Variants in CLSTN2 observed in about 807,000 individuals in gnomAD.
CLSTN2 encodes calsyntenin-2.
In CLSTN2, 48 loss-of-function variants were observed where a neutral mutation model predicts 101.2. That is an observed-to-expected ratio of 0.47 (90% confidence interval 0.38 to 0.60). The LOEUF (loss-of-function observed/expected upper bound fraction) is 0.60, where lower values mean the gene tolerates loss of function less well. CLSTN2 is among the 20% of genes least tolerant of loss of function. The pLI is 0.00. For synonymous variants in CLSTN2, 481 were observed against 463.6 expected (o/e 1.04, Z -0.48); for missense variants, 1,160 against 1,238.2 (o/e 0.94, Z 0.95).
intron 2 of CLSTN2, among the ~76,000 whole-genome samples, chr3:140,238,340 C>G (rs772275023): frequency 1.3e-5 from 2 of 152,120 alleles, no homozygotes; most frequent in Non-Finnish European, 2.9e-5. Flanking sequence ...ATGGTTCACT[C>G]TCTACACTGA....
Position 140,556,654 on chromosome 3 carries a change from A to C in CLSTN2, c.1816A>C (p.Lys606Gln). ...AGVRRLKVSS[K>Q]VQCFGEDVCI... ...TGTGCGGCGCCTCAAAGTATCCTCC[A>C]AAGTCCAGTGAGTGGACGCTGGTCA... The change falls in exon 11 of 17, where the codon AAA becomes CAA. Residue 606 changes from lysine to glutamine, a missense_variant. Coordinates refer to ENST00000458420, the MANE Select transcript of CLSTN2 (RefSeq NM_022131.3). 6.2e-7 allele frequency: 1 copy of C among 1,613,926 alleles called. No homozygotes were observed. The highest frequency in any genetic ancestry group is 8.5e-7 in the Non-Finnish European group (1 of 1,179,924).
At chr3:140,448,003 C>G (rs1000562477) in intron 5 of CLSTN2, among the ~76,000 whole-genome samples, 1 of 152,076 alleles carries the variant, frequency 6.6e-6, no homozygotes, top group Non-Finnish European at 1.5e-5. Context: ...CACATGTACA[C>G]CTAAACCTAA....
chr3:140,212,314 T>G (rs1369872731), intron 2 of CLSTN2, among the ~76,000 whole-genome samples: 6 of 152,250 alleles, frequency 3.9e-5, no homozygotes, highest in Admixed American at 3.9e-4. Flanking sequence ...TGGTGACTGA[T>G]GACAGAAAGG....
At chr3:140,402,541 T>C (rs2088254155) in intron 2 of CLSTN2, among the ~76,000 whole-genome samples, 1 of 152,226 alleles carries the variant, frequency 6.6e-6, no homozygotes, top group African/African-American at 2.4e-5. Flanking sequence ...ATCCCTTCTC[T>C]TCACTGTGTC....
At chr3:140,137,728 G>A (rs2009636342) in intron 1 of CLSTN2, among the ~76,000 whole-genome samples, 1 of 152,184 alleles carries the variant, frequency 6.6e-6, no homozygotes, top group Non-Finnish European at 1.5e-5. Flanking sequence ...CACTGTCTCA[G>A]CCTTTCCTCA....
intron 2 of CLSTN2, among the ~76,000 whole-genome samples, chr3:140,343,154 T>C (rs2087508313): frequency 1.3e-5 from 2 of 152,150 alleles, no homozygotes; most frequent in Admixed American, 1.3e-4. Flanking sequence ...GGGCCATGGC[T>C]CTTGGCTCTT....
chr3:140,129,038 T>C (rs909052904), intron 1 of CLSTN2, among the ~76,000 whole-genome samples: 53 of 152,066 alleles, frequency 3.5e-4, no homozygotes, highest in African/African-American at 1.3e-3. Context: ...GGGATGCAAA[T>C]CTTAGTAAAT....
chr3:140,196,871 G>T (rs9825100), intron 2 of CLSTN2, among the ~76,000 whole-genome samples: 31,197 of 152,102 alleles, frequency 0.21, 3,452 homozygotes, highest in Non-Finnish European at 0.24. Context: ...TCCTGCTCTT[G>T]CACCTAGGCC....
At chr3:140,542,068 G>A (rs1375825480) in intron 9 of CLSTN2, among the ~76,000 whole-genome samples, 1 of 152,134 alleles carries the variant, frequency 6.6e-6, no homozygotes, top group Non-Finnish European at 1.5e-5. Flanking sequence ...TCCACTTAAG[G>A]ATTAAGTAAA....
At chr3:140,520,818 C>T (rs1935008166) in intron 8 of CLSTN2, among the ~76,000 whole-genome samples, 1 of 152,180 alleles carries the variant, frequency 6.6e-6, no homozygotes. Flanking sequence ...GGTTCTGTCT[C>T]TTTACATAAT....
Position 140,566,650 on chromosome 3 carries a change from C to T in CLSTN2, c.*397C>T, listed in dbSNP as rs1012245627. 2.3e-5 allele frequency: 6 copies of T among 256,572 alleles called. No homozygotes were observed. The East Asian group carries it at 4.1e-4, about 17-fold the overall frequency. 15.9% of individuals were successfully genotyped at this position (256,572 alleles called of 1,614,324 possible). The stretch of plus-strand genomic sequence containing the variant: ...GTTCCAACTCACTGTGCGTCTCCTC[C>T]ACACAGACCAGTAGGTTCTCCTATG... On this transcript the variant is annotated 3_prime_UTR_variant, in exon 17 of 17. Coordinates refer to ENST00000458420, the MANE Select transcript of CLSTN2 (RefSeq NM_022131.3).
chr3:140,032,919 G>A (rs898510101), intron 1 of CLSTN2, among the ~76,000 whole-genome samples: 3 of 152,232 alleles, frequency 2.0e-5, no homozygotes, highest in Non-Finnish European at 4.4e-5. Context: ...TGCTATAGAT[G>A]TGGGAGAGGC....
At chr3:140,244,222 A>G (rs2086495405) in intron 2 of CLSTN2, among the ~76,000 whole-genome samples, 1 of 152,214 alleles carries the variant, frequency 6.6e-6, no homozygotes, top group South Asian at 2.1e-4. Context: ...GGACTACACC[A>G]CTTGACTGAT....
chr3:140,401,832 A>G (rs1251873614), intron 2 of CLSTN2, among the ~76,000 whole-genome samples: 1 of 152,186 alleles, frequency 6.6e-6, no homozygotes, highest in Non-Finnish European at 1.5e-5. Flanking sequence ...AAGAAATTAA[A>G]CTTGAGAATT....
At position 140,459,513 on chromosome 3, in the gene CLSTN2, C is replaced by G; in HGVS notation, c.974-8C>G. ...ACCTGTTATCCTTTCTTTCCTGACC[C>G]TCTGCAGGAGCCTCCTCTGGCATCA... On this transcript the variant is annotated splice_polypyrimidine_tract_variant and splice_region_variant and intron_variant, in intron 6 of 16. Transcript: ENST00000458420. The G allele has an allele frequency of 6.2e-7, 1 of 1,613,366 alleles. No homozygotes were observed. The highest frequency in any genetic ancestry group is 8.5e-7 in the Non-Finnish European group (1 of 1,179,398).
intron 1 of CLSTN2, among the ~76,000 whole-genome samples, chr3:140,042,885 A>G (rs867835546): frequency 7.9e-5 from 12 of 152,130 alleles, no homozygotes; most frequent in Admixed American, 2.0e-4. Flanking sequence ...AGTATTCCAT[A>G]GTGTATATGT....
intron 2 of CLSTN2, among the ~76,000 whole-genome samples, chr3:140,370,597 C>A (rs1316018988): frequency 2.6e-5 from 4 of 152,092 alleles, no homozygotes; most frequent in Non-Finnish European, 5.9e-5. Flanking sequence ...AAGGAGATGA[C>A]CCCAGCACAA....
chr3:140,233,988 GAA>G (rs929847402), intron 2 of CLSTN2, among the ~76,000 whole-genome samples: 3 of 152,164 alleles, frequency 2.0e-5, no homozygotes, highest in Non-Finnish European at 4.4e-5. Context: ...AGTCATGACA[GAA>G]ACCATATGGC....
At chr3:140,060,475 A>T (rs577344718) in intron 1 of CLSTN2, among the ~76,000 whole-genome samples, 3 of 152,296 alleles carry the variant, frequency 2.0e-5, no homozygotes, top group African/African-American at 7.2e-5. Context: ...TGACTTTCCC[A>T]GGTAAGTGAA....
Sources: allele counts gnomAD v4.1 joint callset (sites outside exome capture counted in the v4.1 genomes callset), GRCh38; gene constraint gnomAD v4.1.1; transcripts MANE v1.5; gene names NCBI Gene and HGNC (gene_info 2026-07-23, HGNC 2026-07-21).